MAGI2: variants seen among roughly 807,000 people sequenced by gnomAD.
The protein encoded by MAGI2 is membrane associated guanylate kinase, WW and PDZ domain containing 2, also known as membrane-associated guanylate kinase, WW and PDZ domain-containing protein 2.
A neutral mutation model predicts 133.3 loss-of-function variants in MAGI2; 35 were observed. That is an observed-to-expected ratio of 0.26 (90% CI 0.20 to 0.35). The LOEUF (loss-of-function observed/expected upper bound fraction) is 0.35. MAGI2 is among the 10% of genes least tolerant of loss of function. MAGI2 has a pLI of 1.00. For missense variants in MAGI2, 1,636 were observed against 1,863.4 expected (o/e 0.88, Z 2.25); for synonymous variants, 729 against 710.6 (o/e 1.03, Z -0.41).
intron 2 of MAGI2, among the ~76,000 whole-genome samples, chr7:78,864,257 C>A (rs190789845): frequency 6.6e-5 from 10 of 152,290 alleles, no homozygotes; most frequent in South Asian, 2.1e-4. Context: ...GAGGGAATAT[C>A]TAAATGGTTT....
intron 3 of MAGI2, among the ~76,000 whole-genome samples, chr7:78,581,547 G>C (rs1802839219): frequency 6.6e-6 from 1 of 152,126 alleles, no homozygotes; most frequent in African/African-American, 2.4e-5. Context: ...TTATTTTCTA[G>C]AGAAAAATCA....
chr7:79,115,854 GTTTTTTTTTTTT>G (rs59398227), intron 1 of MAGI2, among the ~76,000 whole-genome samples: 3 of 93,944 alleles, frequency 3.2e-5, no homozygotes, highest in Admixed American at 1.3e-4. Flanking sequence ...ATGTTTTAAA[GTTTTTTTTTTTT>G]TTTTTTTTTT....
chr7:78,749,353 T>C (rs1257648496), intron 2 of MAGI2, among the ~76,000 whole-genome samples: 2 of 152,144 alleles, frequency 1.3e-5, no homozygotes, highest in Non-Finnish European at 1.5e-5. Context: ...AGGCACAAAG[T>C]CGTGTTTTCA....
chr7:78,424,571 G>T (rs987443631), intron 6 of MAGI2, among the ~76,000 whole-genome samples: 1 of 152,142 alleles, frequency 6.6e-6, no homozygotes, highest in African/African-American at 2.4e-5. Context: ...GCCTGGAAAA[G>T]TTGCAGACAC....
At chr7:78,530,299 T>A (rs1217082821) in intron 3 of MAGI2, among the ~76,000 whole-genome samples, 1 of 152,234 alleles carries the variant, frequency 6.6e-6, no homozygotes, top group African/African-American at 2.4e-5. Flanking sequence ...TTATTAAGCA[T>A]CTAGCAGATG....
intron 1 of MAGI2, among the ~76,000 whole-genome samples, chr7:79,049,073 G>A (rs1584787979): frequency 6.6e-6 from 1 of 152,164 alleles, no homozygotes; most frequent in African/African-American, 2.4e-5. Flanking sequence ...AGGTCCATAG[G>A]AGTGACATGC....
At chr7:78,388,861 G>T (rs867803789) in intron 6 of MAGI2, among the ~76,000 whole-genome samples, 2 of 152,032 alleles carry the variant, frequency 1.3e-5, no homozygotes, top group Non-Finnish European at 2.9e-5. Context: ...GAATCACGTC[G>T]GTACTACAAA....
At chr7:78,152,982 A>G (rs1295452100) in intron 16 of MAGI2, among the ~76,000 whole-genome samples, 2 of 152,376 alleles carry the variant, frequency 1.3e-5, no homozygotes, top group African/African-American at 4.8e-5. Flanking sequence ...TGTGCAAACC[A>G]GTGAGAAATA....
chr7:79,061,986 A>C (rs1316566999), intron 1 of MAGI2, among the ~76,000 whole-genome samples: 1 of 152,180 alleles, frequency 6.6e-6, no homozygotes, highest in African/African-American at 2.4e-5. Context: ...TAAATAAAAA[A>C]CACATGAAAT....
intron 2 of MAGI2, among the ~76,000 whole-genome samples, chr7:78,685,466 G>A (rs1385023937): frequency 7.1e-6 from 1 of 141,584 alleles, no homozygotes; most frequent in Non-Finnish European, 1.6e-5. Context: ...TGTCATTGTC[G>A]TTTTTTTTTT....
At chr7:78,705,959 T>C (rs1038102004) in intron 2 of MAGI2, among the ~76,000 whole-genome samples, 1 of 152,090 alleles carries the variant, frequency 6.6e-6, no homozygotes, top group African/African-American at 2.4e-5. Flanking sequence ...TTTTCTCAAA[T>C]GGGCAACAAG....
chr7:78,629,989 T>C (rs1345939951), intron 2 of MAGI2, among the ~76,000 whole-genome samples: 1 of 151,876 alleles, frequency 6.6e-6, no homozygotes, highest in Non-Finnish European at 1.5e-5. Context: ...ATTAAATAAA[T>C]ATTTTATTTG....
intron 2 of MAGI2, among the ~76,000 whole-genome samples, chr7:78,757,263 A>G (rs1471666902): frequency 6.6e-6 from 1 of 151,596 alleles, no homozygotes; most frequent in Non-Finnish European, 1.5e-5. Flanking sequence ...ACTTAAAGAC[A>G]TTGAAATCTC....
At chr7:78,200,111 A>G (rs999398287) in intron 11 of MAGI2, among the ~76,000 whole-genome samples, 2 of 152,228 alleles carry the variant, frequency 1.3e-5, no homozygotes, top group Non-Finnish European at 2.9e-5. Flanking sequence ...CTTAAATAGG[A>G]CTGGTTTTCC....
At chr7:79,250,693 C>T (rs896651833) in intron 1 of MAGI2, among the ~76,000 whole-genome samples, 4 of 152,010 alleles carry the variant, frequency 2.6e-5, no homozygotes, top group African/African-American at 9.7e-5. Flanking sequence ...AGATTTAATG[C>T]AATCTCTATC....
chr7:78,033,954 C>A (rs1809886907), intron 21 of MAGI2, among the ~76,000 whole-genome samples: 1 of 152,134 alleles, frequency 6.6e-6, no homozygotes. Flanking sequence ...CTCAATCCCT[C>A]CGTCTTACCT....
At chr7:79,213,269 G>T (rs997722782) in intron 1 of MAGI2, among the ~76,000 whole-genome samples, 20 of 145,604 alleles carry the variant, frequency 1.4e-4, no homozygotes, top group Admixed American at 4.1e-4. Flanking sequence ...TATATATGTG[G>T]GTGTGTATAT....
intron 2 of MAGI2, among the ~76,000 whole-genome samples, chr7:78,704,790 T>TCC (rs1554535287): frequency 6.1e-5 from 2 of 33,026 alleles, no homozygotes; most frequent in African/African-American, 1.1e-4. Context: ...TTTTTTTTTT[T>TCC]TTTTTTCTGA....
At chr7:79,301,334 G>A (rs954468184) in intron 1 of MAGI2, among the ~76,000 whole-genome samples, 1 of 152,236 alleles carries the variant, frequency 6.6e-6, no homozygotes, top group Non-Finnish European at 1.5e-5. Context: ...AGTCACAAAA[G>A]CAGAGATGCC....
Sources: allele counts gnomAD v4.1 joint callset (sites outside exome capture counted in the v4.1 genomes callset), GRCh38; gene constraint gnomAD v4.1.1; transcripts MANE v1.5; gene names NCBI Gene and HGNC (gene_info 2026-07-23, HGNC 2026-07-21).